Variants in ADGB observed in about 807,000 individuals in gnomAD.
ADGB encodes androglobin.
ADGB carries 172 observed loss-of-function variants against 210.5 expected under a neutral mutation model. That is an observed-to-expected ratio of 0.82 (90% CI 0.72 to 0.93). The LOEUF is 0.93. ADGB is among the 40% of genes least tolerant of loss of function. The pLI, the probability that ADGB is intolerant of heterozygous loss-of-function variation, is 0.00. For synonymous variants in ADGB, 658 were observed against 662.7 expected (o/e 0.99, Z 0.11); for missense variants, 2,025 against 1,964.8 (o/e 1.03, Z -0.58).
At chr6:146,814,520 G>T (rs1180915223) in intron 35 of ADGB, among the ~76,000 whole-genome samples, 1 of 152,152 alleles carries the variant, frequency 6.6e-6, no homozygotes. Context: ...TACATATAAG[G>T]CCTTGGTATC....
intron 30 of ADGB, among the ~76,000 whole-genome samples, chr6:146,783,315 A>T (rs1398353925): frequency 2.0e-5 from 3 of 152,122 alleles, no homozygotes; most frequent in South Asian, 4.2e-4. Context: ...AGAAGAGATG[A>T]TGACTTGTTG....
chr6:146,667,847 A>G (rs1775957944), intron 7 of ADGB, among the ~76,000 whole-genome samples: 1 of 152,030 alleles, frequency 6.6e-6, no homozygotes, highest in Admixed American at 6.6e-5. Context: ...AGTCTTATTT[A>G]ATCATCCATA....
intron 26 of ADGB, among the ~76,000 whole-genome samples, chr6:146,749,079 T>A (rs1777283779): frequency 1.3e-5 from 2 of 152,138 alleles, no homozygotes; most frequent in Admixed American, 1.3e-4. Context: ...TGACAGTGAA[T>A]CTGGAGAGAA....
At chr6:146,717,404 A>G (rs1776751944) in intron 15 of ADGB, 132 bp from the exon 16 acceptor site, 2 of 543,578 alleles carry the variant, frequency 3.7e-6, no homozygotes, top group Non-Finnish European at 3.2e-6. Flanking sequence ...TTGTCCCTTT[A>G]GGGCAACTGA....
At chr6:146,774,726 TC>T (rs1406584175) in intron 29 of ADGB, among the ~76,000 whole-genome samples, 7 of 152,226 alleles carry the variant, frequency 4.6e-5, no homozygotes. Context: ...ATCTACCTGC[TC>T]TGATTTGAAG....
intron 9 of ADGB, among the ~76,000 whole-genome samples, chr6:146,681,811 C>T (rs897411777): frequency 1.3e-5 from 2 of 152,042 alleles, no homozygotes; most frequent in Non-Finnish European, 2.9e-5. Flanking sequence ...GGAACACATT[C>T]GAGTCATTAT....
At chr6:146,641,098 A>G (rs754785146) in intron 2 of ADGB, among the ~76,000 whole-genome samples, 1 of 151,978 alleles carries the variant, frequency 6.6e-6, no homozygotes, top group Non-Finnish European at 1.5e-5. Flanking sequence ...AAAAACCACT[A>G]GTATTCCTAT....
intron 1 of ADGB, among the ~76,000 whole-genome samples, chr6:146,612,775 G>A (rs1290681003): frequency 6.6e-6 from 1 of 152,156 alleles, no homozygotes; most frequent in Non-Finnish European, 1.5e-5. Flanking sequence ...CAGGGAGAGA[G>A]GGAGAGAGAG....
intron 35 of ADGB, among the ~76,000 whole-genome samples, chr6:146,809,232 C>CAAAAA (rs1778262549): frequency 1.3e-5 from 2 of 152,142 alleles, no homozygotes; most frequent in African/African-American, 4.8e-5. Context: ...TCAGCTTTTT[C>CAAAAA]CTAACACTTG....
At position 146,691,064 on chromosome 6, in the gene ADGB, G is replaced by A. The variant is rs1776298697; in HGVS notation, c.1312-52G>A. 4 of 1,430,932 alleles carry A rather than the reference G, an allele frequency of 2.8e-6. 1 individual carries two copies. The South Asian group carries it at 6.1e-5, about 22-fold the overall frequency. 88.6% of individuals were successfully genotyped at this position (1,430,932 alleles called of 1,614,324 possible). A position where few individuals can be genotyped will look rare whatever the true frequency, so the allele number is the denominator to read the frequency against. ...TGATAGTATTTTTACATTGGAAAAA[G>A]CATTGTTTTGAATGAAGGAGAATGC... On this transcript the variant is annotated intron_variant, in intron 10 of 35. Transcript: ENST00000397944.
At chr6:146,770,114 C>A (rs748135865) in intron 29 of ADGB, among the ~76,000 whole-genome samples, 57 of 152,138 alleles carry the variant, frequency 3.7e-4, no homozygotes, top group Non-Finnish European at 6.6e-4. Context: ...ACAGTAAGCA[C>A]CCCACAATAT....
At chr6:146,735,624 A>C (rs79047306) in intron 22 of ADGB, among the ~76,000 whole-genome samples, 9,282 of 152,316 alleles carry the variant, frequency 0.061, 318 homozygotes, top group African/African-American at 0.089. Context: ...CAAACCATGC[A>C]TATGGTAAAA....
chr6:146,649,165 T>G (rs894231297), intron 3 of ADGB, among the ~76,000 whole-genome samples: 11 of 151,838 alleles, frequency 7.2e-5, no homozygotes, highest in African/African-American at 1.9e-4. Context: ...GTTTTGTTTT[T>G]TTTTTTTTTG....
chr6:146,607,816 C>G (rs1780652749), intron 1 of ADGB, among the ~76,000 whole-genome samples: 1 of 152,076 alleles, frequency 6.6e-6, no homozygotes, highest in Non-Finnish European at 1.5e-5. Context: ...AGGATTTTAG[C>G]CTCTGTGTCC....
At chr6:146,701,933 G>A (rs1246225956) in intron 13 of ADGB, among the ~76,000 whole-genome samples, 1 of 151,776 alleles carries the variant, frequency 6.6e-6, no homozygotes, top group African/African-American at 2.4e-5. Context: ...ATTCTTGTAA[G>A]ATATTTGCAA....
chr6:146,725,919 T>C, intron 18 of ADGB, 164 bp from the exon 19 acceptor site: 1 of 518,082 alleles, frequency 1.9e-6, no homozygotes, highest in East Asian at 2.9e-5. Context: ...GTAGGGTTCT[T>C]ATAGAGTGCA....
intron 8 of ADGB, 107 bp downstream of exon 8, chr6:146,672,574 A>G: frequency 7.7e-7 from 1 of 1,296,268 alleles, no homozygotes; most frequent in South Asian, 1.7e-5. Flanking sequence ...TCCAGACCCC[A>G]AGAGAGGGTT....
intron 25 of ADGB, among the ~76,000 whole-genome samples, chr6:146,745,206 C>T (rs1217178890): frequency 1.3e-5 from 2 of 152,156 alleles, no homozygotes; most frequent in Non-Finnish European, 2.9e-5. Flanking sequence ...AGCTGGAAGA[C>T]AAATCTATCT....
chr6:146,769,127 C>T lies in ADGB; in HGVS notation c.3858C>T (p.Thr1286=). The stretch of plus-strand genomic sequence containing the variant: ...TGAAAGACTTAAAGAAAAGTAATAC[C>T]AAAGGTATGTCACCCTAAATGTTTA... ...QALKDLKKSN[T]KAYGERHEEL... The change falls in exon 29 of 36, where the codon ACC becomes ACT. Residue 1286 remains threonine, a synonymous_variant. Transcript: ENST00000397944. 1 of 1,499,894 alleles carries T rather than the reference C, an allele frequency of 6.7e-7. No individual in the cohort carries two copies. Among genetic ancestry groups the T allele is most frequent in the South Asian group, 1.3e-5 (1 of 79,358 alleles). 92.9% of individuals were successfully genotyped at this position (1,499,894 alleles called of 1,614,324 possible). A position where few individuals can be genotyped will look rare whatever the true frequency, so the allele number is the denominator to read the frequency against.
Sources: allele counts gnomAD v4.1 joint callset (sites outside exome capture counted in the v4.1 genomes callset), GRCh38; gene constraint gnomAD v4.1.1; transcripts MANE v1.5; gene names NCBI Gene and HGNC (gene_info 2026-07-23, HGNC 2026-07-21).